Variants in RNF207 observed in about 807,000 individuals in gnomAD.
The protein encoded by RNF207 is ring finger protein 207.
RNF207 carries 72 observed loss-of-function variants against 79.0 expected under a neutral mutation model. That is an observed-to-expected ratio of 0.91 (90% CI 0.75 to 1.11). The LOEUF is 1.11. RNF207 is among the 50% of genes least tolerant of loss of function. The probability of loss-of-function intolerance (pLI) is 0.00; values close to 1 mark genes in which losing one functional copy is unlikely to be tolerated. For missense variants in RNF207, 936 were observed against 855.8 expected, an observed-to-expected ratio of 1.09 and a Z score of -1.17; for synonymous variants, 348 against 366.2, an observed-to-expected ratio of 0.95 and a Z score of 0.57.
Position 6,209,154 on chromosome 1 carries a change from A to G in RNF207, c.509A>G (p.Lys170Arg). Reference sequence around the variant, plus strand: ...CCCTACCTCTTGTTCTCCACCGACAAGAAGTTGCTGTTGTGCATCCGCTGC... The same window carrying G: ...CCCTACCTCTTGTTCTCCACCGACAGGAAGTTGCTGTTGTGCATCCGCTGC... ...AEPYLLFSTD[K>R]KLLLCIRCFR... Residue 170 changes from lysine (K) to arginine (R), a missense_variant, in exon 5 of 18, where the codon AAG (lysine) becomes AGG (arginine). Lys to Arg is a conservative substitution (Grantham distance 26, BLOSUM62 2). Transcript: ENST00000377939. The G allele has an allele frequency of 6.4e-7, 1 of 1,558,178 alleles. No individual in the cohort carries two copies. Among genetic ancestry groups the G allele is most frequent in the Middle Eastern group, 1.7e-4 (1 of 5,994 alleles).
At chr1:6,209,861 A>T in intron 7 of RNF207, 63 bp from the exon 8 acceptor site, 1 of 1,512,704 alleles carries the variant, frequency 6.6e-7, no homozygotes, top group Non-Finnish European at 8.9e-7. Context: ...TCCGGGGGGT[A>T]GGCATGGTGG....
chr1:6,213,035 A>T, intron 15 of RNF207, 31 bp from the exon 16 acceptor site: 1 of 1,427,204 alleles, frequency 7.0e-7, no homozygotes, highest in Non-Finnish European at 9.8e-7. Flanking sequence ...CTTCAGGATT[A>T]AGACCCCATG....
At position 6,208,719 on chromosome 1, in the gene RNF207, G is replaced by A. The variant is rs185948728; in HGVS notation, c.325-162G>A. 2.7e-4 allele frequency: 185 copies of A among 681,932 alleles called. 1 individual carries two copies. Among genetic ancestry groups the A allele is most frequent in the Middle Eastern group, 2.2e-3 (7 of 3,172 alleles). 42.2% of individuals were successfully genotyped at this position (681,932 alleles called of 1,614,324 possible). A position where few individuals can be genotyped will look rare whatever the true frequency, so the allele number is the denominator to read the frequency against. On this transcript the variant is annotated intron_variant, in intron 3 of 17. Transcript: ENST00000377939. Reference sequence around the variant, plus strand: ...CGCAGTGCCCTCCTCTGTAAAGTGGGTATATCAGAGCGCCAAGTGCCTGGA... The same window carrying A: ...CGCAGTGCCCTCCTCTGTAAAGTGGATATATCAGAGCGCCAAGTGCCTGGA...
At position 6,209,980 on chromosome 1, in the gene RNF207, G is replaced by T; in HGVS notation, c.800+10G>T. 1 of 1,579,440 alleles carries T rather than the reference G, an allele frequency of 6.3e-7. No homozygotes were observed. The highest frequency in any genetic ancestry group is 8.6e-7 in the Non-Finnish European group (1 of 1,161,830). On this transcript the variant is annotated intron_variant, in intron 8 of 17. Coordinates refer to ENST00000377939, the MANE Select transcript of RNF207 (RefSeq NM_207396.3). ...TGCAGGCTGTGCAGAGGTGAGTTGGGGGGAGCGGGGCTTGCTTCCCTTACC... is the reference window on the plus strand; with the variant it reads ...TGCAGGCTGTGCAGAGGTGAGTTGGTGGGAGCGGGGCTTGCTTCCCTTACC...
In RNF207 at chr1:6,212,711, T is replaced by C. The variant is rs1385189495; in HGVS notation, c.1512T>C (p.Ala504=). The C allele has an allele frequency of 6.2e-7, 1 of 1,613,832 alleles. No homozygotes were observed. Among genetic ancestry groups the C allele is most frequent in the South Asian group, 1.1e-5 (1 of 91,072 alleles). ...EIWEEAYQRV[A]NEQEIYEAQL... is the part of the protein sequence containing the mutation. ...GGGAGGAAGCCTATCAGCGAGTGGC[T>C]AATGAGCAGGAGATTTATGAAGGTT... The change falls in exon 15 of 18, where the codon GCT becomes GCC. Residue 504 remains alanine, a synonymous_variant. Transcript: ENST00000377939.
chr1:6,218,418 A>T, intron 17 of RNF207, 49 bp downstream of exon 17: 1 of 1,369,094 alleles, frequency 7.3e-7, no homozygotes, highest in Non-Finnish European at 1.0e-6. Context: ...GTGGCTTCTG[A>T]GGCCAACAGG....
At position 6,217,070 on chromosome 1, in the gene RNF207, A is replaced by G. The variant is rs1040837270; in HGVS notation, c.1653-1219A>G. ...GTTTTGGTAGAGATGGGGTTGTGCT[A>G]TGTTGCCAAAGATGGTCTCCAACTC... is the stretch of plus-strand genomic sequence containing the variant. On this transcript the variant is annotated intron_variant, in intron 16 of 17. Transcript: ENST00000377939. The surrounding 1 kb of genome is among the most constrained non-coding windows in gnomAD (Gnocchi z 4.2). 6.6e-6 allele frequency among the ~76,000 whole-genome samples: 1 copy of G among 151,928 alleles called. No homozygotes were observed. The highest frequency in any genetic ancestry group is 2.4e-5 in the African/African-American group (1 of 41,360).
At chr1:6,215,445 G>T (rs148831225) in intron 16 of RNF207, among the ~76,000 whole-genome samples, 2,344 of 151,970 alleles carry the variant, frequency 0.015, 26 homozygotes, top group Non-Finnish European at 0.025. Context: ...GGGATTACAG[G>T]TGTTAGCCAC....
At chr1:6,214,550 G>A (rs549402273) in intron 16 of RNF207, among the ~76,000 whole-genome samples, 4 of 151,064 alleles carry the variant, frequency 2.6e-5, no homozygotes, top group East Asian at 1.9e-4. Flanking sequence ...TTACAGGTGC[G>A]TGCCAACACG....
At position 6,208,926 on chromosome 1, in the gene RNF207, T is replaced by A. The variant is rs2100925225; in HGVS notation, c.370T>A (p.Cys124Ser). 1 of 1,534,690 alleles carries A rather than the reference T, an allele frequency of 6.5e-7. No homozygotes were observed. Among genetic ancestry groups the A allele is most frequent in the East Asian group, 2.5e-5 (1 of 40,730 alleles). ...YFCNTCGQPLCARCRDETHRA... is the reference protein window; with the variant it reads ...YFCNTCGQPLSARCRDETHRA... ...CTGCAACACGTGCGGACAGCCCCTA[T>A]GCGCGCGCTGCCGCGACGAGACGCA... is the stretch of plus-strand genomic sequence containing the variant. The change falls in exon 4 of 18, where the codon TGC becomes AGC. Residue 124 changes from cysteine (C) to serine (S), a missense_variant. Cys to Ser is a moderately radical substitution (Grantham distance 112, BLOSUM62 -1). Transcript: ENST00000377939.
In RNF207 at chr1:6,217,021, C is replaced by A. The variant is rs979496909; in HGVS notation, c.1653-1268C>A. ...GGTAGCTGTGACTACAGGCATGTGC[C>A]ACCATGCCCGGCTAATTTTTATAGT... On this transcript the variant is annotated intron_variant, in intron 16 of 17. Transcript: ENST00000377939. The surrounding 1 kb of genome is among the most constrained non-coding windows in gnomAD (Gnocchi z 4.2). Among the ~76,000 whole-genome samples the A allele has an allele frequency of 6.6e-6, 1 of 152,018 alleles. No homozygotes were observed. The highest frequency in any genetic ancestry group is 1.5e-5 in the Non-Finnish European group (1 of 68,018).
rs1668465204 is a variant in RNF207 at position 6,219,245 on chromosome 1, AG to A, written c.1745del (p.Gly582GlufsTer29). On this transcript the variant is annotated frameshift_variant, in exon 18 of 18. Transcript: ENST00000377939. LOFTEE classifies it low-confidence loss of function (END_TRUNC). ...GAGGCTGTCCCTTTAGGAATAATCC[AG>A]GAAGTGTCCCGGAAAAGAGAGAGAA... ...NNAASARNNP[G>X]SVPEKREKTS... 1.9e-6 allele frequency: 3 copies of A among 1,610,344 alleles called. No individual in the cohort carries two copies. Among genetic ancestry groups the A allele is most frequent in the Non-Finnish European group, 2.5e-6 (3 of 1,178,500 alleles).
At chr1:6,212,995 C>T (rs1393432617) in intron 15 of RNF207, 71 bp from the exon 16 acceptor site, 1 of 1,064,734 alleles carries the variant, frequency 9.4e-7, no homozygotes, top group Non-Finnish European at 1.4e-6. Flanking sequence ...TACGTGGTGC[C>T]TGGCTTGAGT....
chr1:6,210,295 G>T lies in RNF207; in HGVS notation c.873G>T (p.Gln291His), dbSNP rs1668108080. Residue 291 changes from glutamine (Q) to histidine (H), a missense_variant and splice_region_variant, in exon 9 of 18, where the codon CAG (glutamine) becomes CAT (histidine). Physicochemically the swap from Gln to His is conservative, Grantham distance 24 (BLOSUM62 0). Coordinates refer to ENST00000377939, the MANE Select transcript of RNF207 (RefSeq NM_207396.3). ...TGGCCACCTTGCTGCCCACCCTGCA[G>T]GTACAGGGAGCTCGGGGTGCGGGTG... is the stretch of plus-strand genomic sequence containing the variant. ...SHLATLLPTLQVHLVICSSFL... is the reference protein window; with the variant it reads ...SHLATLLPTLHVHLVICSSFL... The T allele has an allele frequency of 6.2e-7, 1 of 1,613,740 alleles. No homozygotes were observed. The highest frequency in any genetic ancestry group is 1.1e-5 in the South Asian group (1 of 91,082).
In RNF207 at chr1:6,211,389, C is replaced by A. The variant is rs2100933086; in HGVS notation, c.1109+271C>A. ...AGGAGGAGGGGAGGACTCAGGCCCC[C>A]AACTACCACTGCAGCCTCCCCTGGG... On this transcript the variant is annotated intron_variant, in intron 12 of 17. Transcript: ENST00000377939. The surrounding 1 kb of genome is among the most constrained non-coding windows in gnomAD (Gnocchi z 4.2). Among the ~76,000 whole-genome samples the A allele has an allele frequency of 6.6e-6, 1 of 152,262 alleles. No homozygotes were observed. Among genetic ancestry groups the A allele is most frequent in the East Asian group, 1.9e-4 (1 of 5,162 alleles).
chr1:6,209,211 C>G lies in RNF207; in HGVS notation c.551+15C>G. 6.4e-7 allele frequency: 1 copy of G among 1,551,182 alleles called. No homozygotes were observed. The highest frequency in any genetic ancestry group is 8.7e-7 in the Non-Finnish European group (1 of 1,147,260). On this transcript the variant is annotated intron_variant, in intron 5 of 17. Coordinates refer to ENST00000377939, the MANE Select transcript of RNF207 (RefSeq NM_207396.3). ...GACATGCAGAAGTGCGTACAGGGGA[C>G]GCGAGGGGAGGGGGCTGGGGGCCGC...
At chr1:6,209,236 C>T in intron 5 of RNF207, 32 bp from the exon 6 acceptor site, 2 of 1,549,826 alleles carry the variant, frequency 1.3e-6, no homozygotes, top group Non-Finnish European at 1.7e-6. Flanking sequence ...CTGGGGGCCG[C>T]TGGAGCGGGC....
intron 1 of RNF207, 40 bp from the exon 2 acceptor site, chr1:6,206,496 C>T: frequency 2.0e-6 from 3 of 1,474,398 alleles, no homozygotes; most frequent in Non-Finnish European, 2.7e-6. Flanking sequence ...AAGCGGGGCT[C>T]CGTGCGTGCC....
In RNF207 at chr1:6,207,556, T is replaced by C; in HGVS notation, c.324+45T>C. 6.4e-7 allele frequency: 1 copy of C among 1,561,732 alleles called. No homozygotes were observed. The highest frequency in any genetic ancestry group is 1.7e-4 in the Middle Eastern group (1 of 6,010). On this transcript the variant is annotated intron_variant, in intron 3 of 17. Transcript: ENST00000377939. The surrounding 1 kb of genome is among the most constrained non-coding windows in gnomAD (Gnocchi z 4.5). ...TGGGTGAGGAGCAGAGGGTACCCGG[T>C]TGCACAGTCCCCAATGCTTGCACAT...
Sources: allele counts gnomAD v4.1 joint callset (sites outside exome capture counted in the v4.1 genomes callset), GRCh38; gene constraint gnomAD v4.1.1; non-coding constraint Gnocchi (gnomAD v3.1); transcripts MANE v1.5; gene names NCBI Gene and HGNC (gene_info 2026-07-23, HGNC 2026-07-21).